The following UNC13C variants were observed in gnomAD, a reference collection of about 807,000 sequenced individuals.
The protein encoded by UNC13C is unc-13 homolog C.
Under a neutral mutation model 245.4 loss-of-function variants are expected in UNC13C, and 174 were observed. The ratio of observed to expected loss-of-function variants is 0.71; its 90% CI spans 0.63 to 0.80. The LOEUF (loss-of-function observed/expected upper bound fraction) is 0.80. Ranked by LOEUF, UNC13C falls within the 30% of genes least tolerant of loss-of-function variation. The probability of loss-of-function intolerance (pLI) is 0.00; values close to 1 mark genes in which losing one functional copy is unlikely to be tolerated. For synonymous variants in UNC13C, 992 were observed against 895.1 expected (o/e 1.11, Z -1.93); for missense variants, 2,829 against 2,602.9 (o/e 1.09, Z -1.89).
At chr15:54,456,086 G>C (rs1374006149) in intron 19 of UNC13C, among the ~76,000 whole-genome samples, 2 of 152,070 alleles carry the variant, frequency 1.3e-5, no homozygotes, top group Non-Finnish European at 2.9e-5. Context: ...TCTACTTGTG[G>C]CTTGCCAATT....
the UNC13C span, among the ~76,000 whole-genome samples, chr15:53,873,923 TCTTCCTTCCTTCCTTC>T: frequency 1.5e-4 from 7 of 47,610 alleles, no homozygotes; most frequent in Middle Eastern, 0.011. Context: ...TTCCTTCCTT[TCTTCCTTCCTTCCTTC>T]CTTCCTTCCT....
At chr15:54,388,530 T>C (rs537934293) in intron 17 of UNC13C, among the ~76,000 whole-genome samples, 12 of 152,258 alleles carry the variant, frequency 7.9e-5, no homozygotes, top group African/African-American at 1.9e-4. Context: ...AGAAGGAAAT[T>C]CCTAGCTAAT....
At chr15:54,440,196 A>C (rs934110868) in intron 19 of UNC13C, among the ~76,000 whole-genome samples, 2 of 152,010 alleles carry the variant, frequency 1.3e-5, no homozygotes, top group Non-Finnish European at 2.9e-5. Context: ...TCATGTGAGA[A>C]GGTCCAAGGT....
At chr15:53,889,237 T>C in the UNC13C span, among the ~76,000 whole-genome samples, 251 of 152,286 alleles carry the variant, frequency 1.6e-3, no homozygotes, top group African/African-American at 5.6e-3. Flanking sequence ...TGAGCAGTAG[T>C]TTGTGGTTCT....
chr15:54,328,136 A>T (rs2038345346), intron 14 of UNC13C, among the ~76,000 whole-genome samples: 1 of 152,190 alleles, frequency 6.6e-6, no homozygotes, highest in East Asian at 1.9e-4. Context: ...CGACTCTTTA[A>T]ATATACTTTG....
chr15:54,138,953 A>T (rs374224440), intron 2 of UNC13C, among the ~76,000 whole-genome samples: 113 of 48,626 alleles, frequency 2.3e-3, no homozygotes, highest in Admixed American at 2.9e-3. Flanking sequence ...ATTTCCCCTA[A>T]TTTTTTTTTT....
intron 10 of UNC13C, among the ~76,000 whole-genome samples, chr15:54,267,475 TA>T (rs142335797): frequency 0.025 from 3,824 of 152,200 alleles, 157 homozygotes; most frequent in African/African-American, 0.088. Flanking sequence ...TTTATCCAGT[TA>T]AAAAGTGATT....
chr15:54,005,374 G>A (rs993330513), intron 1 of UNC13C, among the ~76,000 whole-genome samples: 2 of 152,076 alleles, frequency 1.3e-5, no homozygotes, highest in Non-Finnish European at 2.9e-5. Flanking sequence ...TCTAAAACCG[G>A]TCACGTTGGT....
chr15:54,038,319 G>A (rs1035271221), intron 2 of UNC13C, among the ~76,000 whole-genome samples: 4 of 150,740 alleles, frequency 2.7e-5, no homozygotes, highest in Admixed American at 6.6e-5. Flanking sequence ...TTTAGTAGAG[G>A]TGGAGTTTCA....
intron 4 of UNC13C, among the ~76,000 whole-genome samples, chr15:54,211,575 T>G (rs542154199): frequency 6.6e-6 from 1 of 152,202 alleles, no homozygotes; most frequent in East Asian, 1.9e-4. Flanking sequence ...AGTTTGCTCT[T>G]CATCTAGAAC....
the UNC13C span, among the ~76,000 whole-genome samples, chr15:53,942,770 C>G: frequency 9.6e-4 from 146 of 152,250 alleles, 2 homozygotes; most frequent in African/African-American, 3.4e-3. Flanking sequence ...TCAAGCAACT[C>G]TCGTGCCTCA....
At chr15:54,416,928 C>G (rs982992024) in intron 19 of UNC13C, 2 of 456,436 alleles carry the variant, frequency 4.4e-6, no homozygotes, top group Non-Finnish European at 8.8e-6. Flanking sequence ...GCCAGCTGCT[C>G]TGATGCCTGG....
chr15:54,594,912 G>C (rs978244359), intron 30 of UNC13C, among the ~76,000 whole-genome samples: 3 of 152,228 alleles, frequency 2.0e-5, no homozygotes, highest in African/African-American at 7.2e-5. Context: ...CGGAGCATCG[G>C]AGGCTTGCTC....
At chr15:54,531,969 G>A (rs1172376511) in intron 25 of UNC13C, among the ~76,000 whole-genome samples, 1 of 152,018 alleles carries the variant, frequency 6.6e-6, no homozygotes, top group Non-Finnish European at 1.5e-5. Flanking sequence ...TTAACACAAT[G>A]CTTTTAAGCA....
chr15:54,524,649 G>C (rs1476230146), intron 24 of UNC13C, among the ~76,000 whole-genome samples: 1 of 152,080 alleles, frequency 6.6e-6, no homozygotes, highest in Non-Finnish European at 1.5e-5. Context: ...ATACTTCTTG[G>C]TTCTGTATCG....
intron 19 of UNC13C, chr15:54,417,084 T>C (rs79587043): frequency 2.5e-6 from 1 of 399,446 alleles, no homozygotes; most frequent in African/African-American, 2.1e-5. Context: ...CTGATTTTAT[T>C]TGTTTATTTG....
At chr15:54,616,383 A>C (rs1437415458) in intron 30 of UNC13C, among the ~76,000 whole-genome samples, 1 of 147,908 alleles carries the variant, frequency 6.8e-6, no homozygotes, top group East Asian at 1.9e-4. Context: ...TAATAACATA[A>C]CACCACACAT....
intron 30 of UNC13C, among the ~76,000 whole-genome samples, chr15:54,610,102 T>C (rs1374509687): frequency 1.3e-5 from 2 of 152,122 alleles, no homozygotes; most frequent in Non-Finnish European, 2.9e-5. Context: ...TATCAGTGCA[T>C]ATTGTAGTTT....
chr15:54,106,973 C>T (rs72742571), intron 2 of UNC13C, among the ~76,000 whole-genome samples: 1,682 of 152,308 alleles, frequency 0.011, 13 homozygotes, highest in Non-Finnish European at 0.019. Context: ...AAGATACTTT[C>T]AAAGTGAAGT....
Sources: gnomAD v4.1 joint callset for allele counts (sites outside exome capture counted in the v4.1 genomes callset) on GRCh38, gnomAD v4.1.1 for gene constraint, MANE v1.5 for transcripts, NCBI Gene and HGNC (gene_info 2026-07-23, HGNC 2026-07-21) for gene names.